Variants in FAM184A observed in about 807,000 individuals in gnomAD.
FAM184A encodes the protein protein FAM184A.
A neutral mutation model predicts 143.8 loss-of-function variants in FAM184A; 99 were observed. The observed-to-expected ratio is 0.69, with a 90% CI of 0.58 to 0.81. The LOEUF (loss-of-function observed/expected upper bound fraction) is 0.81. Ranked by LOEUF, FAM184A falls within the 40% of genes least tolerant of loss-of-function variation. FAM184A has a pLI of 0.00. For synonymous variants in FAM184A, 427 were observed against 446.4 expected, an observed-to-expected ratio of 0.96 and a Z score of 0.55; for missense variants, 1,217 against 1,310.5, an observed-to-expected ratio of 0.93 and a Z score of 1.10.
At chr6:119,089,576 T>C (rs1419921606) in intron 1 of FAM184A, among the ~76,000 whole-genome samples, 1 of 152,210 alleles carries the variant, frequency 6.6e-6, no homozygotes, top group East Asian at 1.9e-4. Context: ...GCACTGGGAT[T>C]ACAGGTGTGA....
chr6:119,094,660 G>A (rs533772965), intron 1 of FAM184A, among the ~76,000 whole-genome samples: 17 of 152,128 alleles, frequency 1.1e-4, no homozygotes, highest in East Asian at 9.7e-4. Context: ...CCACCCAAAA[G>A]TAGAGCATGA....
Position 119,038,493 on chromosome 6 carries a change from A to C in FAM184A, c.160-13680T>G, listed in dbSNP as rs140273398. ...CCACCAAAACCAAAATGGCCAGGAG[A>C]GTGACCTCTGGCTGTCCTCACTGCA... is the stretch of plus-strand genomic sequence containing the variant. On this transcript the variant is annotated intron_variant, in intron 1 of 17. Transcript: ENST00000338891. 1.4e-3 allele frequency among the ~76,000 whole-genome samples: 208 copies of C among 152,280 alleles called. No homozygotes were observed. In the East Asian group the frequency reaches 0.02, roughly 14 times the overall value.
At chr6:119,124,178 A>G (rs1423736825) in intron 1 of FAM184A, among the ~76,000 whole-genome samples, 1 of 152,208 alleles carries the variant, frequency 6.6e-6, no homozygotes, top group Non-Finnish European at 1.5e-5. Context: ...TTTAGTTCAA[A>G]GGATTTTTAT....
intron 1 of FAM184A, among the ~76,000 whole-genome samples, chr6:119,144,451 G>C (rs1464998642): frequency 1.3e-5 from 2 of 152,146 alleles, no homozygotes; most frequent in Non-Finnish European, 2.9e-5. Flanking sequence ...GAAGCCGACA[G>C]CTCTGACAGG....
intron 5 of FAM184A, among the ~76,000 whole-genome samples, chr6:119,015,212 C>A (rs1253870787): frequency 6.6e-6 from 1 of 152,202 alleles, no homozygotes; most frequent in African/African-American, 2.4e-5. Context: ...TGCCTGGGTT[C>A]CCACTCTGGT....
In FAM184A at chr6:119,059,303, G is replaced by C. The variant is rs1216898419; in HGVS notation, c.159+18838C>G. On this transcript the variant is annotated intron_variant, in intron 1 of 17. Coordinates refer to ENST00000338891, the MANE Select transcript of FAM184A (RefSeq NM_024581.6). ...CCAGTTGTTGTTTTATACAAATTTT[G>C]GGTGGTGTAAAAGCAGTAGATTACC... is the stretch of plus-strand genomic sequence containing the variant. Among the ~76,000 whole-genome samples, 4 of 152,298 alleles carry C rather than the reference G, an allele frequency of 2.6e-5. No homozygotes were observed. In the East Asian group the frequency reaches 7.7e-4, roughly 29 times the overall value.
At chr6:119,125,696 T>C (rs766678342) in intron 1 of FAM184A, among the ~76,000 whole-genome samples, 1 of 152,206 alleles carries the variant, frequency 6.6e-6, no homozygotes, top group Non-Finnish European at 1.5e-5. Flanking sequence ...GGCAGACTAC[T>C]TTTACATTCC....
intron 1 of FAM184A, among the ~76,000 whole-genome samples, chr6:119,108,606 G>A (rs1325729289): frequency 6.6e-6 from 1 of 152,032 alleles, no homozygotes; most frequent in Non-Finnish European, 1.5e-5. Flanking sequence ...CAAATTGCAG[G>A]GAGTGCCTGC....
At chr6:119,147,329 A>G (rs1253407077) in intron 1 of FAM184A, among the ~76,000 whole-genome samples, 1 of 127,376 alleles carries the variant, frequency 7.9e-6, no homozygotes, top group African/African-American at 3.0e-5. Flanking sequence ...TGGGCTTCCA[A>G]CTGGTCCTGT....
At chr6:119,146,910 A>ACCC (rs71015021) in intron 1 of FAM184A, among the ~76,000 whole-genome samples, 5 of 151,130 alleles carry the variant, frequency 3.3e-5, no homozygotes, top group East Asian at 3.9e-4. Flanking sequence ...AGAGATGTGC[A>ACCC]CCCCCAGGCT....
Position 118,960,684 on chromosome 6 carries a change from C to T in FAM184A, c.3342-500G>A, listed in dbSNP as rs186010436. On this transcript the variant is annotated intron_variant, in intron 17 of 17. Transcript: ENST00000338891. ...AGAACACTAAAAATATAATTTCCCC[C>T]GTTATTGATGTTATATAGTTTATAC... 295 of 541,128 alleles carry T rather than the reference C, an allele frequency of 5.5e-4. 2 individuals are homozygous for T. The East Asian group carries it at 0.018, about 33-fold the overall frequency. 33.5% of individuals were successfully genotyped at this position (541,128 alleles called of 1,614,324 possible). A position where few individuals can be genotyped will look rare whatever the true frequency, so the allele number is the denominator to read the frequency against.
intron 1 of FAM184A, among the ~76,000 whole-genome samples, chr6:119,041,148 A>G (rs1786313041): frequency 6.6e-6 from 1 of 152,156 alleles, no homozygotes; most frequent in African/African-American, 2.4e-5. Flanking sequence ...AGACATGATC[A>G]TTTTATTACT....
At chr6:119,068,133 G>A (rs1258995325) in intron 1 of FAM184A, among the ~76,000 whole-genome samples, 2 of 142,730 alleles carry the variant, frequency 1.4e-5, no homozygotes, top group Non-Finnish European at 1.5e-5. Flanking sequence ...CACAACCTCC[G>A]CCTCCTGGGT....
intron 1 of FAM184A, among the ~76,000 whole-genome samples, chr6:119,099,560 C>CAGGCCAAGA (rs1788590279): frequency 6.6e-6 from 1 of 152,168 alleles, no homozygotes; most frequent in South Asian, 2.1e-4. Flanking sequence ...ATTGCACCGA[C>CAGGCCAAGA]AGGCCAAGAA....
chr6:118,999,016 A>G (rs1418118039), intron 9 of FAM184A, among the ~76,000 whole-genome samples: 1 of 152,220 alleles, frequency 6.6e-6, no homozygotes, highest in East Asian at 1.9e-4. Flanking sequence ...AAAGAACTAC[A>G]AGTGTCCTGG....
At chr6:118,992,116 A>G (rs964537669) in intron 9 of FAM184A, among the ~76,000 whole-genome samples, 1 of 152,062 alleles carries the variant, frequency 6.6e-6, no homozygotes, top group Non-Finnish European at 1.5e-5. Context: ...TACATCATGA[A>G]AGATCACTTT....
At chr6:119,027,924 T>C (rs544171458) in intron 1 of FAM184A, among the ~76,000 whole-genome samples, 1 of 152,314 alleles carries the variant, frequency 6.6e-6, no homozygotes, top group South Asian at 2.1e-4. Context: ...TAAACAAAGC[T>C]TCCCTTCCTT....
intron 1 of FAM184A, among the ~76,000 whole-genome samples, chr6:119,026,397 C>T (rs1785636005): frequency 1.3e-5 from 2 of 152,050 alleles, no homozygotes; most frequent in South Asian, 4.2e-4. Flanking sequence ...TATTCCCATC[C>T]CCTTGGGTCA....
intron 1 of FAM184A, among the ~76,000 whole-genome samples, chr6:119,075,563 G>A (rs79001150): frequency 0.038 from 5,775 of 152,214 alleles, 240 homozygotes; most frequent in African/African-American, 0.1. Context: ...TAAGTGTGCT[G>A]CTGCTATAAT....
Sources: allele counts gnomAD v4.1 joint callset (sites outside exome capture counted in the v4.1 genomes callset), GRCh38; gene constraint gnomAD v4.1.1; transcripts MANE v1.5; gene names NCBI Gene and HGNC (gene_info 2026-07-23, HGNC 2026-07-21).